Variants in FTO observed in about 807,000 individuals in gnomAD.
FTO encodes the protein alpha-ketoglutarate-dependent dioxygenase FTO.
A neutral mutation model predicts 63.9 loss-of-function variants in FTO; 47 were observed. The observed-to-expected ratio is 0.74, with a 90% CI of 0.58 to 0.94. The LOEUF is 0.94. FTO is among the 40% of genes least tolerant of loss of function. FTO has a pLI of 0.00. For missense variants in FTO, 562 were observed against 618.1 expected (o/e 0.91, Z 0.96); for synonymous variants, 207 against 224.4 (o/e 0.92, Z 0.69).
intron 8 of FTO, among the ~76,000 whole-genome samples, chr16:53,970,551 A>G (rs1332266491): frequency 6.7e-6 from 1 of 148,962 alleles, no homozygotes; most frequent in Non-Finnish European, 1.5e-5. Context: ...AGATTGCACC[A>G]TTGTACTCCA....
chr16:53,860,857 A>T (rs959059290), intron 4 of FTO, among the ~76,000 whole-genome samples: 1 of 149,876 alleles, frequency 6.7e-6, no homozygotes, highest in African/African-American at 2.5e-5. Context: ...AAATTAGCTA[A>T]GAGAGTAGAT....
At chr16:53,975,291 A>C (rs1400726066) in intron 8 of FTO, among the ~76,000 whole-genome samples, 1 of 151,788 alleles carries the variant, frequency 6.6e-6, no homozygotes, top group South Asian at 2.1e-4. Flanking sequence ...AAACCTATTT[A>C]TTTAGTCTAA....
intron 8 of FTO, among the ~76,000 whole-genome samples, chr16:54,064,404 C>A (rs1016707485): frequency 2.0e-5 from 3 of 152,134 alleles, no homozygotes; most frequent in Admixed American, 6.5e-5. Context: ...ACCCTGGGTT[C>A]TGAGTTTGAC....
intron 8 of FTO, among the ~76,000 whole-genome samples, chr16:54,101,259 T>G (rs1185436348): frequency 6.6e-6 from 1 of 152,142 alleles, no homozygotes; most frequent in African/African-American, 2.4e-5. Context: ...AATAGCTATC[T>G]TTTCTGCTCT....
At chr16:53,989,131 C>A (rs2083741935) in intron 8 of FTO, among the ~76,000 whole-genome samples, 2 of 152,008 alleles carry the variant, frequency 1.3e-5, no homozygotes, top group Admixed American at 6.5e-5. Context: ...CTCTGAGAGG[C>A]CAGAGCAGGC....
At chr16:54,048,115 AAAAAAAAAATT>A (rs1307705998) in intron 8 of FTO, among the ~76,000 whole-genome samples, 1 of 107,274 alleles carries the variant, frequency 9.3e-6, no homozygotes, top group African/African-American at 6.5e-5. Flanking sequence ...AGTATAATAA[AAAAAAAAAATT>A]AAAAAAAAAA....
Position 53,917,513 on chromosome 16 carries a change from G to A in FTO, c.1240-16472G>A, listed in dbSNP as rs573102208. ...GTGATTAGGACAGGGCTTGGCACAC[G>A]GTAAGTGTAAAATAAGTAATAGTTA... On this transcript the variant is annotated intron_variant, in intron 7 of 8. Coordinates refer to ENST00000471389, the MANE Select transcript of FTO (RefSeq NM_001080432.3). 2.8e-3 allele frequency among the ~76,000 whole-genome samples: 432 copies of A among 152,216 alleles called. 1 individual carries two copies. The highest frequency in any genetic ancestry group is 1.0e-2 in the African/African-American group (415 of 41,532).
intron 8 of FTO, among the ~76,000 whole-genome samples, chr16:54,006,414 A>T (rs1290575546): frequency 2.0e-5 from 3 of 152,166 alleles, no homozygotes; most frequent in African/African-American, 7.2e-5. Context: ...CTTTAATCAT[A>T]TTTTTGTTGA....
chr16:53,906,201 T>G (rs1185118208), intron 7 of FTO, among the ~76,000 whole-genome samples: 1 of 152,170 alleles, frequency 6.6e-6, no homozygotes, highest in Non-Finnish European at 1.5e-5. Flanking sequence ...ATCAGTTAGG[T>G]CCCACCTCCA....
intron 8 of FTO, among the ~76,000 whole-genome samples, chr16:54,085,887 C>T (rs2086245270): frequency 6.6e-6 from 1 of 152,166 alleles, no homozygotes; most frequent in Non-Finnish European, 1.5e-5. Flanking sequence ...CCTTGCACAT[C>T]CAAAGGCCAC....
chr16:53,811,496 C>T (rs2078520911), intron 2 of FTO, among the ~76,000 whole-genome samples: 1 of 152,160 alleles, frequency 6.6e-6, no homozygotes, highest in Non-Finnish European at 1.5e-5. Context: ...CTCTTATCTC[C>T]ATTCCCATTT....
chr16:53,975,145 T>C (rs2083408216), intron 8 of FTO, among the ~76,000 whole-genome samples: 1 of 151,948 alleles, frequency 6.6e-6, no homozygotes. Context: ...CAACTAAAAC[T>C]AAAGCCACGC....
chr16:53,903,266 T>G (rs1453174925), intron 7 of FTO, among the ~76,000 whole-genome samples: 2 of 151,808 alleles, frequency 1.3e-5, no homozygotes, highest in African/African-American at 4.8e-5. Context: ...GTTTTTTTTT[T>G]TTTTTTCCTT....
At chr16:53,908,963 A>G (rs1006775424) in intron 7 of FTO, among the ~76,000 whole-genome samples, 2 of 152,152 alleles carry the variant, frequency 1.3e-5, no homozygotes, top group Non-Finnish European at 2.9e-5. Context: ...GAAATGTGGT[A>G]ACCTTTGAGT....
chr16:53,740,282 A>C (rs914529792), intron 1 of FTO, among the ~76,000 whole-genome samples: 1 of 151,956 alleles, frequency 6.6e-6, no homozygotes, highest in African/African-American at 2.4e-5. Flanking sequence ...TGTAGAGTGT[A>C]TTTTTTTTAA....
intron 8 of FTO, among the ~76,000 whole-genome samples, chr16:53,995,234 G>A (rs1220620298): frequency 2.6e-5 from 4 of 152,244 alleles, no homozygotes; most frequent in East Asian, 1.9e-4. Context: ...CGTTGAGGGC[G>A]AAGTTGTCTT....
chr16:53,865,355 C>T (rs980706610), intron 4 of FTO, among the ~76,000 whole-genome samples: 5 of 152,158 alleles, frequency 3.3e-5, no homozygotes, highest in African/African-American at 1.2e-4. Context: ...CTTAGCCTTC[C>T]TCATTAGGCC....
At chr16:53,908,240 G>A (rs922571263) in intron 7 of FTO, among the ~76,000 whole-genome samples, 9 of 152,138 alleles carry the variant, frequency 5.9e-5, no homozygotes, top group African/African-American at 1.9e-4. Context: ...TCAGATTTTC[G>A]TTGTCAGGGG....
chr16:53,715,611 C>T (rs551598441), intron 1 of FTO, among the ~76,000 whole-genome samples: 3 of 152,188 alleles, frequency 2.0e-5, no homozygotes, highest in Non-Finnish European at 4.4e-5. Flanking sequence ...GACAATGAGG[C>T]ATATCCGCTC....
Sources: gnomAD v4.1 joint callset for allele counts (sites outside exome capture counted in the v4.1 genomes callset) on GRCh38, gnomAD v4.1.1 for gene constraint, MANE v1.5 for transcripts, NCBI Gene and HGNC (gene_info 2026-07-23, HGNC 2026-07-21) for gene names.